Variants in PCDH7 observed in about 807,000 individuals in gnomAD.
The protein encoded by PCDH7 is protocadherin-7.
In PCDH7, 17 loss-of-function variants were observed where a neutral mutation model predicts 58.9. That is an observed-to-expected ratio of 0.29 (90% CI 0.20 to 0.43). The LOEUF is 0.43. PCDH7 is among the 20% of genes least tolerant of loss of function. The pLI is 1.00. For missense variants in PCDH7, 1,274 were observed against 1,441.0 expected (o/e 0.88, Z 1.88); for synonymous variants, 664 against 616.4 (o/e 1.08, Z -1.14).
chr4:30,784,327 A>G (rs1723143463), intron 1 of PCDH7, among the ~76,000 whole-genome samples: 1 of 152,166 alleles, frequency 6.6e-6, no homozygotes, highest in African/African-American at 2.4e-5. Context: ...AAAAGTACCT[A>G]TTTCTTTTGG....
At chr4:31,014,593 G>A (rs751443653) in intron 3 of PCDH7, among the ~76,000 whole-genome samples, 1 of 152,016 alleles carries the variant, frequency 6.6e-6, no homozygotes, top group Admixed American at 6.6e-5. Flanking sequence ...ATTCCACATC[G>A]ATTTTTATCT....
At chr4:31,019,331 T>G (rs1405056629) in intron 3 of PCDH7, among the ~76,000 whole-genome samples, 1 of 152,176 alleles carries the variant, frequency 6.6e-6, no homozygotes, top group East Asian at 1.9e-4. Context: ...TTTCATTTAT[T>G]TAGTAAAAAT....
intron 3 of PCDH7, among the ~76,000 whole-genome samples, chr4:31,030,584 GA>G (rs146094821): frequency 0.09 from 13,671 of 151,902 alleles, 1,598 homozygotes; most frequent in African/African-American, 0.27. Flanking sequence ...TTGGTGCTAA[GA>G]AAAAAACAAG....
In PCDH7 at chr4:31,021,646, T is replaced by C. The variant is rs530569875; in HGVS notation, c.*7+71431T>C. On this transcript the variant is annotated intron_variant, in intron 3 of 3. Transcript: ENST00000509759. ...AGCCTCTCTCAAGACTTTGGAGTCT[T>C]TTCTGTTCCTCAAGGAGATAAGGAA... Among the ~76,000 whole-genome samples the C allele has an allele frequency of 1.6e-4, 25 of 152,264 alleles. No homozygotes were observed. The South Asian group carries it at 5.2e-3, about 32-fold the overall frequency.
intron 3 of PCDH7, among the ~76,000 whole-genome samples, chr4:31,011,145 T>C (rs1578555558): frequency 2.0e-5 from 3 of 151,970 alleles, no homozygotes; most frequent in East Asian, 3.9e-4. Context: ...GTAGGTTCTA[T>C]AGACAAGGGC....
At chr4:31,112,627 T>G (rs1226853408) in intron 3 of PCDH7, among the ~76,000 whole-genome samples, 1 of 152,166 alleles carries the variant, frequency 6.6e-6, no homozygotes, top group Non-Finnish European at 1.5e-5. Context: ...TTGTTTACAG[T>G]ATTTAAAATA....
chr4:30,941,425 C>T (rs1198011699), intron 2 of PCDH7, among the ~76,000 whole-genome samples: 3 of 151,842 alleles, frequency 2.0e-5, no homozygotes, highest in Non-Finnish European at 4.4e-5. Flanking sequence ...AAGACTGAAG[C>T]GTTTTTGACA....
intron 2 of PCDH7, chr4:30,950,059 A>G (rs941029048): frequency 5.2e-5 from 8 of 152,574 alleles, no homozygotes; most frequent in Non-Finnish European, 1.2e-4. Context: ...CTATGGATGG[A>G]CACCATTGTA....
At chr4:30,930,396 A>G (rs34601494) in intron 2 of PCDH7, among the ~76,000 whole-genome samples, 3,098 of 152,294 alleles carry the variant, frequency 0.02, 47 homozygotes, top group Non-Finnish European at 0.032. Context: ...GGTATCTTTG[A>G]AAAATGCAAG....
downstream of PCDH7, chr4:31,145,605 A>G (rs1200414906): frequency 6.6e-6 from 1 of 152,082 alleles, no homozygotes; most frequent in Non-Finnish European, 1.5e-5. Flanking sequence ...TTGATCCTGT[A>G]TATTTGTCCA....
At chr4:30,913,996 A>T (rs1255553921) in intron 1 of PCDH7, among the ~76,000 whole-genome samples, 1 of 152,096 alleles carries the variant, frequency 6.6e-6, no homozygotes, top group African/African-American at 2.4e-5. Flanking sequence ...CCTTCCTCTG[A>T]TCTCACCCAC....
intron 1 of PCDH7, among the ~76,000 whole-genome samples, chr4:30,815,922 C>T (rs1373991404): frequency 6.6e-6 from 1 of 152,204 alleles, no homozygotes; most frequent in Non-Finnish European, 1.5e-5. Context: ...CTGCTAATGT[C>T]TGCCTAGCTA....
intron 3 of PCDH7, among the ~76,000 whole-genome samples, chr4:31,058,167 A>G (rs1167820054): frequency 1.3e-5 from 2 of 150,844 alleles, no homozygotes; most frequent in Non-Finnish European, 2.9e-5. Context: ...GTAAAATAAA[A>G]TAAATCCCTC....
intron 3 of PCDH7, among the ~76,000 whole-genome samples, chr4:30,958,663 T>C (rs1748093091): frequency 6.6e-6 from 1 of 152,020 alleles, no homozygotes; most frequent in African/African-American, 2.4e-5. Flanking sequence ...TTGAAGTAGT[T>C]TGCAACTGAA....
At chr4:30,738,620 G>A (rs1716635006) in intron 1 of PCDH7, among the ~76,000 whole-genome samples, 1 of 151,854 alleles carries the variant, frequency 6.6e-6, no homozygotes, top group Admixed American at 6.6e-5. Context: ...AGTGCATGAG[G>A]GTATATTAAT....
At chr4:30,839,553 C>G (rs1730948540) in intron 1 of PCDH7, among the ~76,000 whole-genome samples, 1 of 152,034 alleles carries the variant, frequency 6.6e-6, no homozygotes, top group Non-Finnish European at 1.5e-5. Flanking sequence ...GCCATAGAAC[C>G]TGTGATGAGA....
At position 30,722,257 on chromosome 4, in the gene PCDH7, C is replaced by A. The variant is rs891831207; in HGVS notation, c.835C>A (p.Arg279=). ...GCGCGACTCCTACGAGCTGACCCTG[C>A]GAGTGCGCGACGGCGGCGACCCGCC... The change falls in exon 1 of 2, where the codon CGA becomes AGA. Residue 279 remains arginine (R), a synonymous_variant. Coordinates refer to ENST00000361762, the Ensembl canonical transcript of PCDH7. This position sits in a 1 kb window ranked among gnomAD's most constrained non-coding sequence, Gnocchi z 7.6. 6.3e-6 allele frequency: 10 copies of A among 1,595,948 alleles called. No homozygotes were observed. Among genetic ancestry groups the A allele is most frequent in the East Asian group, 2.3e-5 (1 of 43,868 alleles).
intron 1 of PCDH7, among the ~76,000 whole-genome samples, chr4:30,835,449 A>G (rs568198381): frequency 2.0e-5 from 3 of 152,282 alleles, no homozygotes; most frequent in East Asian, 1.9e-4. Flanking sequence ...GATCTGAGGT[A>G]AAAGAGCTTC....
At chr4:31,021,754 T>A (rs957788007) in intron 3 of PCDH7, among the ~76,000 whole-genome samples, 1 of 152,088 alleles carries the variant, frequency 6.6e-6, no homozygotes, top group Non-Finnish European at 1.5e-5. Flanking sequence ...CACGAGTGTC[T>A]CTAATTTCAA....
Sources: gnomAD v4.1 joint callset for allele counts (sites outside exome capture counted in the v4.1 genomes callset) on GRCh38, gnomAD v4.1.1 for gene constraint, Gnocchi (gnomAD v3.1) non-coding constraint, MANE v1.5 for transcripts, NCBI Gene and HGNC (gene_info 2026-07-23, HGNC 2026-07-21) for gene names.